Variants in ADGRV1 observed in about 807,000 individuals in gnomAD.
ADGRV1 encodes adhesion G protein-coupled receptor V1.
ADGRV1 carries 359 observed loss-of-function variants against 596.2 expected under a neutral mutation model. The ratio of observed to expected loss-of-function variants is 0.60; its 90% CI spans 0.55 to 0.66. ADGRV1 has a LOEUF of 0.66. Among genes scored for constraint, ADGRV1 ranks in the 30% least tolerant of loss-of-function variants. ADGRV1 has a pLI of 0.00. For missense variants in ADGRV1, 7,274 were observed against 7,575.6 expected (o/e 0.96, Z 1.48); for synonymous variants, 2,681 against 2,679.2 (o/e 1.00, Z -0.02).
At chr5:91,001,943 G>A (rs1781888171) in intron 85 of ADGRV1, among the ~76,000 whole-genome samples, 1 of 151,962 alleles carries the variant, frequency 6.6e-6, no homozygotes, top group East Asian at 1.9e-4. Context: ...ACTAAATATT[G>A]TAACATTATT....
intron 83 of ADGRV1, among the ~76,000 whole-genome samples, chr5:90,866,192 TG>T (rs1375822162): frequency 3.3e-5 from 5 of 152,176 alleles, no homozygotes; most frequent in Admixed American, 3.3e-4. Flanking sequence ...GACTTCCTTT[TG>T]GAGCAGTGTG....
intron 39 of ADGRV1, among the ~76,000 whole-genome samples, chr5:90,709,654 C>T (rs1029357672): frequency 2.0e-5 from 3 of 152,180 alleles, no homozygotes; most frequent in Non-Finnish European, 2.9e-5. Context: ...TTCTGAAGCT[C>T]ACTGTGATAA....
At chr5:90,847,796 G>A (rs955495936) in intron 78 of ADGRV1, among the ~76,000 whole-genome samples, 59 of 152,306 alleles carry the variant, frequency 3.9e-4, no homozygotes, top group African/African-American at 1.3e-3. Flanking sequence ...ACGCCCACCC[G>A]GAACTCGCGC....
intron 83 of ADGRV1, among the ~76,000 whole-genome samples, chr5:90,896,903 T>TA (rs1771378796): frequency 6.6e-6 from 1 of 152,200 alleles, no homozygotes; most frequent in Non-Finnish European, 1.5e-5. Context: ...TCAGGCTGGA[T>TA]GACATTCCCC....
chr5:90,742,684 GAGA>G (rs1227500737), intron 50 of ADGRV1, among the ~76,000 whole-genome samples: 1 of 152,128 alleles, frequency 6.6e-6, no homozygotes, highest in Non-Finnish European at 1.5e-5. Context: ...AATGTTAGAA[GAGA>G]AGATGTCTGA....
intron 84 of ADGRV1, among the ~76,000 whole-genome samples, chr5:90,971,590 C>T (rs982777090): frequency 6.6e-6 from 1 of 152,160 alleles, no homozygotes; most frequent in Non-Finnish European, 1.5e-5. Context: ...AATTTCATAT[C>T]CAGCCAAACT....
At position 91,102,316 on chromosome 5, in the gene ADGRV1, C is replaced by T; in HGVS notation, c.18408C>T (p.Leu6136=). Residue 6136 remains leucine (L), a synonymous_variant, in exon 87 of 90, where the codon CTC becomes CTT. Transcript: ENST00000405460. ...ACAGACACTTCTGGATGTTGGTTCT[C>T]TTTGTCATTTTCAACAGTCTGCAGG... The part of the protein sequence containing the change: ...MAYRHFWMLV[L]FVIFNSLQGL... 1.2e-6 allele frequency: 2 copies of T among 1,601,790 alleles called. No homozygotes were observed. Among genetic ancestry groups the T allele is most frequent in the Non-Finnish European group, 1.7e-6 (2 of 1,174,226 alleles).
rs1434055290 is a variant in ADGRV1 at position 90,627,617 on chromosome 5, T to C, written c.1079T>C (p.Ile360Thr). The change falls in exon 7 of 90, where the codon ATT becomes ACT. Residue 360 changes from isoleucine to threonine, a missense_variant. Physicochemically the swap from Ile to Thr is moderately conservative, Grantham distance 89 (BLOSUM62 -1). This residue lies in a region of ADGRV1 where 1,715 missense variants were observed against 1,708.8 expected (regional missense o/e 1.00). Coordinates refer to ENST00000405460, the MANE Select transcript of ADGRV1 (RefSeq NM_032119.4). ...CCGGAGATTGCTGAATCGTTTCACA[T>C]TATGTTACTAAAAGATACCTTACAG... ...TIPEIAESFHIMLLKDTLQGD... is the reference protein window; with the variant it reads ...TIPEIAESFHTMLLKDTLQGD... 1.2e-6 allele frequency: 2 copies of C among 1,613,960 alleles called. No homozygotes were observed. Among genetic ancestry groups the C allele is most frequent in the South Asian group, 1.1e-5 (1 of 91,076 alleles).
At chr5:90,778,760 A>T (rs1184623279) in intron 63 of ADGRV1, 105 bp from the exon 64 acceptor site, 1 of 1,088,336 alleles carries the variant, frequency 9.2e-7, no homozygotes, top group Non-Finnish European at 1.3e-6. Context: ...TTATAACCTT[A>T]TATGTAATTT....
chr5:90,810,273 T>C lies in ADGRV1; in HGVS notation c.15013T>C (p.Phe5005Leu). 6.3e-7 allele frequency: 1 copy of C among 1,592,664 alleles called. No individual in the cohort carries two copies. The change falls in exon 74 of 90, where the codon TTC becomes CTC. Residue 5005 changes from phenylalanine (F) to leucine (L), a missense_variant. Phe to Leu is a conservative substitution (Grantham distance 22). Around this residue, in one of 5 missense-constraint regions of ADGRV1, gnomAD observed 1,874 missense variants for 1,970.2 expected, o/e 0.95. Coordinates refer to ENST00000405460, the MANE Select transcript of ADGRV1 (RefSeq NM_032119.4). Reference protein sequence around the residue: ...IVAEIEPMGVFQFSTSSRNII... With the variant: ...IVAEIEPMGVLQFSTSSRNII... ...TGCTGAAATTGAACCAATGGGCGTC[T>C]TCCAATTTTCCACTAGCTCAAGAAA...
intron 70 of ADGRV1, among the ~76,000 whole-genome samples, chr5:90,801,045 T>C (rs1290887108): frequency 6.6e-6 from 1 of 152,044 alleles, no homozygotes; most frequent in African/African-American, 2.4e-5. Context: ...ATTCTGCACA[T>C]GCACCCTAGA....
intron 72 of ADGRV1, among the ~76,000 whole-genome samples, chr5:90,806,656 T>C (rs886565748): frequency 2.0e-5 from 3 of 152,174 alleles, no homozygotes; most frequent in Non-Finnish European, 4.4e-5. Flanking sequence ...TGCTTACATA[T>C]CACATTAGTC....
intron 83 of ADGRV1, among the ~76,000 whole-genome samples, chr5:90,935,670 C>A (rs1214194373): frequency 1.3e-5 from 2 of 152,172 alleles, no homozygotes; most frequent in Non-Finnish European, 2.9e-5. Flanking sequence ...AATTTATGCC[C>A]TTACACCTAT....
intron 7 of ADGRV1, 139 bp downstream of exon 7, chr5:90,627,915 AAGACAC>A: frequency 6.3e-6 from 2 of 317,616 alleles, no homozygotes; most frequent in Non-Finnish European, 1.0e-5. Flanking sequence ...AAACTCAGAA[AAGACAC>A]ACACACACAC....
chr5:91,056,635 G>A (rs4254936), intron 85 of ADGRV1, among the ~76,000 whole-genome samples: 1 of 151,788 alleles, frequency 6.6e-6, no homozygotes, highest in Non-Finnish European at 1.5e-5. Context: ...CTTTGGCAAC[G>A]TCTTGTGTTG....
intron 85 of ADGRV1, among the ~76,000 whole-genome samples, chr5:91,015,305 T>C (rs1370575933): frequency 2.6e-5 from 4 of 152,120 alleles, no homozygotes; most frequent in Non-Finnish European, 5.9e-5. Context: ...TCCAATTATG[T>C]GGTAGATTTT....
intron 87 of ADGRV1, among the ~76,000 whole-genome samples, chr5:91,133,904 C>T (rs528350481): frequency 9.2e-5 from 14 of 152,056 alleles, no homozygotes; most frequent in Non-Finnish European, 1.9e-4. Context: ...AAGAGGGTGC[C>T]CTTTTCAAAA....
intron 83 of ADGRV1, among the ~76,000 whole-genome samples, chr5:90,950,294 G>A (rs1776950901): frequency 6.6e-6 from 1 of 151,992 alleles, no homozygotes; most frequent in African/African-American, 2.4e-5. Flanking sequence ...TAGTGGAAAG[G>A]GGTAAGGATG....
intron 48 of ADGRV1, 109 bp downstream of exon 48, chr5:90,725,765 A>C (rs1442301632): frequency 3.0e-6 from 2 of 657,160 alleles, no homozygotes; most frequent in African/African-American, 3.7e-5. Context: ...AGAAAACCAA[A>C]ATTTGATTGT....
Sources: gnomAD v4.1 joint callset for allele counts (sites outside exome capture counted in the v4.1 genomes callset) on GRCh38, gnomAD v4.1.1 for gene constraint, gnomAD v4.1.1 regional missense constraint, MANE v1.5 for transcripts, NCBI Gene and HGNC (gene_info 2026-07-23, HGNC 2026-07-21) for gene names.